The following ABCC6 variants were observed in gnomAD, a reference collection of about 807,000 sequenced individuals.
The protein encoded by ABCC6 is ATP binding cassette subfamily C member 6.
A neutral mutation model predicts 169.5 loss-of-function variants in ABCC6; 126 were observed. The ratio of observed to expected loss-of-function variants is 0.74; its 90% CI spans 0.64 to 0.86. The LOEUF (loss-of-function observed/expected upper bound fraction) is 0.86. Ranked by LOEUF, ABCC6 falls within the 40% of genes least tolerant of loss-of-function variation. The pLI, the probability that ABCC6 is intolerant of heterozygous loss-of-function variation, is 0.00. For missense variants in ABCC6, 1,733 were observed against 1,927.2 expected (o/e 0.90, Z 1.89); for synonymous variants, 752 against 814.7 (o/e 0.92, Z 1.31).
chr16:16,186,127 G>A (rs964215251), intron 14 of ABCC6, among the ~76,000 whole-genome samples: 6 of 152,106 alleles, frequency 3.9e-5, no homozygotes, highest in African/African-American at 1.4e-4. Flanking sequence ...TGTTTTCCAG[G>A]TACACAGTTT....
intron 11 of ABCC6, among the ~76,000 whole-genome samples, chr16:16,190,698 T>TA (rs1305791457): frequency 1.3e-5 from 2 of 151,138 alleles, no homozygotes; most frequent in East Asian, 2.0e-4. Context: ...TTTTTTTTTT[T>TA]ACCTTTTACA....
chr16:16,190,108 C>T (rs1340073400), intron 12 of ABCC6, 56 bp downstream of exon 12: 3 of 1,598,062 alleles, frequency 1.9e-6, no homozygotes, highest in Non-Finnish European at 1.7e-6. Context: ...CACCCTGCCC[C>T]CACCCCCGCA....
Position 16,159,583 on chromosome 16 carries a change from C to T in ABCC6, c.3634G>A (p.Val1212Met). The change falls in exon 26 of 31, where the codon GTG (valine) becomes ATG (methionine). Residue 1212 changes from valine to methionine, a missense_variant and splice_region_variant. By Grantham distance (21) the Val-to-Met change is conservative (BLOSUM62 1). This residue lies in a region of ABCC6 where 1,601 missense variants were observed against 1,635.5 expected (regional missense o/e 0.98). Transcript: ENST00000205557. ...ACAACCCACTGCAGTGTCTGGGTCA[C>T]CTGGTGCAAGAAAGCCTCTCTGGCT... is the stretch of plus-strand genomic sequence containing the variant. The part of the protein sequence containing the change: ...VGFSVSAALQ[V>M]TQTLQWVVRN... The T allele has an allele frequency of 3.7e-6, 6 of 1,614,108 alleles. No individual in the cohort carries two copies. Among genetic ancestry groups the T allele is most frequent in the Non-Finnish European group, 5.1e-6 (6 of 1,179,956 alleles).
intron 20 of ABCC6, 146 bp from the exon 21 acceptor site, chr16:16,173,550 AC>A: frequency 9.8e-7 from 1 of 1,016,862 alleles, no homozygotes; most frequent in Non-Finnish European, 1.5e-6. Flanking sequence ...CAGAATACTG[AC>A]CAGATATCAC....
intron 10 of ABCC6, among the ~76,000 whole-genome samples, chr16:16,195,544 C>G (rs1437372787): frequency 6.6e-6 from 1 of 152,006 alleles, no homozygotes; most frequent in Non-Finnish European, 1.5e-5. Flanking sequence ...AACTCCTGAC[C>G]TCAAGTGTTC....
chr16:16,150,438 T>C, intron 30 of ABCC6, 140 bp downstream of exon 30: 1 of 1,495,700 alleles, frequency 6.7e-7, no homozygotes, highest in Non-Finnish European at 8.9e-7. Flanking sequence ...TGGCATGTGT[T>C]CCCGGGCATT....
intron 27 of ABCC6, among the ~76,000 whole-genome samples, chr16:16,156,105 G>A (rs755176441): frequency 5.3e-5 from 8 of 152,160 alleles, no homozygotes; most frequent in Admixed American, 3.3e-4. Context: ...TAGTAGACAC[G>A]GGATTTCACC....
chr16:16,161,203 G>A (rs1231691105), intron 25 of ABCC6, among the ~76,000 whole-genome samples: 1 of 152,184 alleles, frequency 6.6e-6, no homozygotes, highest in African/African-American at 2.4e-5. Context: ...TGGGATTTCT[G>A]GCCTGTCTTT....
chr16:16,196,891 C>T (rs578245323), intron 10 of ABCC6, among the ~76,000 whole-genome samples: 4 of 151,978 alleles, frequency 2.6e-5, no homozygotes, highest in South Asian at 2.1e-4. Flanking sequence ...TCAGTAGAGA[C>T]GGGGTTGGCC....
chr16:16,177,557 C>A lies in ABCC6; in HGVS notation c.2485G>T (p.Gly829Trp). Reference protein sequence around the residue: ...QADWIIVLANGAIAEMGSYQE... With the variant: ...QADWIIVLANWAIAEMGSYQE... ...TAGGAACCCATCTCTGCGATGGCCC[C>A]ATTTGCCAGCACTATGATCCAATCA... The change falls in exon 19 of 31, where the codon GGG becomes TGG. Residue 829 changes from glycine (G) to tryptophan (W), a missense_variant. Around this residue, in one of 5 missense-constraint regions of ABCC6, gnomAD observed 1,601 missense variants for 1,635.5 expected, o/e 0.98. Transcript: ENST00000205557. 6.2e-7 allele frequency: 1 copy of A among 1,614,248 alleles called. No homozygotes were observed. The highest frequency in any genetic ancestry group is 8.5e-7 in the Non-Finnish European group (1 of 1,180,050).
chr16:16,176,140 T>C (rs1047971003), intron 19 of ABCC6, among the ~76,000 whole-genome samples, 154 bp from the exon 20 acceptor site: 1 of 152,142 alleles, frequency 6.6e-6, no homozygotes, highest in Admixed American at 6.6e-5. Flanking sequence ...CCACTCTGAG[T>C]TCTTCCAGGA....
Position 16,173,210 on chromosome 16 carries a change from C to T in ABCC6, c.2787+74G>A, listed in dbSNP as rs138730052. On this transcript the variant is annotated intron_variant, in intron 21 of 30. Coordinates refer to ENST00000205557, the MANE Select transcript of ABCC6 (RefSeq NM_001171.6). ...AGGTGAGTATCACTGCCAAGTGCTA[C>T]ATTTGGTGGGAAGACTTGGGCCCCT... 118 of 1,582,852 alleles carry T rather than the reference C, an allele frequency of 7.5e-5. 1 individual carries two copies. The Middle Eastern group carries it at 1.3e-3, about 17-fold the overall frequency.
intron 22 of ABCC6, among the ~76,000 whole-genome samples, chr16:16,168,867 G>T (rs1160506985): frequency 2.0e-5 from 3 of 152,092 alleles, no homozygotes; most frequent in Non-Finnish European, 4.4e-5. Flanking sequence ...GATCATTTGA[G>T]GTCAGGAGTT....
At chr16:16,174,769 C>CCCCA (rs78274721) in intron 20 of ABCC6, among the ~76,000 whole-genome samples, 1 of 134,606 alleles carries the variant, frequency 7.4e-6, no homozygotes, top group East Asian at 3.6e-4. Context: ...AACCCCCCCC[C>CCCCA]GCAAAAAACA....
At chr16:16,199,079 GATTA>G (rs2048154061) in intron 9 of ABCC6, among the ~76,000 whole-genome samples, 1 of 145,828 alleles carries the variant, frequency 6.9e-6, no homozygotes. Flanking sequence ...GAGGTGGGAG[GATTA>G]ATTGAGTACA....
chr16:16,184,916 C>T (rs753266144), intron 15 of ABCC6, 43 bp downstream of exon 15: 1 of 1,577,028 alleles, frequency 6.3e-7, no homozygotes, highest in Admixed American at 1.7e-5. Flanking sequence ...TGCATCTTCT[C>T]CCTAAAAACA....
At chr16:16,184,337 TG>T (rs781398949) in intron 15 of ABCC6, 28 of 211,046 alleles carry the variant, frequency 1.3e-4, no homozygotes, top group Non-Finnish European at 2.4e-4. Context: ...GTTTTCTGTT[TG>T]GGCCTCACCT....
rs1742904685 is a variant in ABCC6 at position 16,175,900 on chromosome 16, G to C, written c.2666+11C>G. The C allele has an allele frequency of 1.9e-6, 3 of 1,614,030 alleles. No homozygotes were observed. The highest frequency in any genetic ancestry group is 2.5e-6 in the Non-Finnish European group (3 of 1,179,986). ...TGTGCCCTTCTGAGTGTGGCACCAT[G>C]GTGGACTCACCTCTCGCGTCTAAGC... is the stretch of plus-strand genomic sequence containing the variant. On this transcript the variant is annotated intron_variant, in intron 20 of 30. Transcript: ENST00000205557.
intron 9 of ABCC6, 51 bp from the exon 10 acceptor site, chr16:16,198,233 G>A (rs1170850778): frequency 6.5e-7 from 1 of 1,543,744 alleles, no homozygotes; most frequent in Non-Finnish European, 8.8e-7. Context: ...CGGGGCAGAG[G>A]GATGCCCCAG....
Sources: allele counts gnomAD v4.1 joint callset (sites outside exome capture counted in the v4.1 genomes callset), GRCh38; gene constraint gnomAD v4.1.1; regional missense constraint gnomAD v4.1.1; transcripts MANE v1.5; gene names NCBI Gene and HGNC (gene_info 2026-07-23, HGNC 2026-07-21).